NXPE2: variants seen among roughly 807,000 people sequenced by gnomAD.
NXPE2 encodes the protein NXPE family member 2.
In NXPE2, 34 loss-of-function variants were observed where a neutral mutation model predicts 34.4. The ratio of observed to expected loss-of-function variants is 0.99; its 90% CI spans 0.75 to 1.31. The LOEUF (loss-of-function observed/expected upper bound fraction) is 1.31. Ranked by LOEUF, NXPE2 falls within the 40% of genes most tolerant of loss-of-function variation. The pLI is 0.00. For synonymous variants in NXPE2, 235 were observed against 231.3 expected (o/e 1.02, Z -0.15); for missense variants, 649 against 672.5 (o/e 0.97, Z 0.39).
chr11:114,614,046 G>A, the NXPE2 span, among the ~76,000 whole-genome samples: 6 of 150,716 alleles, frequency 4.0e-5, no homozygotes, highest in East Asian at 2.0e-4. Flanking sequence ...ACTGTTACCC[G>A]GTGAATAATA....
chr11:114,485,383 CTTTTTTTTT>C, the NXPE2 span, among the ~76,000 whole-genome samples: 20 of 89,220 alleles, frequency 2.2e-4, no homozygotes, highest in East Asian at 1.1e-3. Context: ...TAATTTTTGT[CTTTTTTTTT>C]TTTTTTTTTT....
At chr11:114,663,927 A>G in the NXPE2 span, among the ~76,000 whole-genome samples, 1 of 152,178 alleles carries the variant, frequency 6.6e-6, no homozygotes, top group Non-Finnish European at 1.5e-5. Flanking sequence ...TAGAAGGTCA[A>G]CTTTGGCACA....
the NXPE2 span, chr11:114,528,729 G>C: frequency 3.6e-6 from 2 of 552,188 alleles, no homozygotes; most frequent in South Asian, 5.0e-5. Context: ...GAAAGTGGAG[G>C]AAGGAAGAAA....
chr11:114,784,443 G>A, the NXPE2 span, among the ~76,000 whole-genome samples: 5 of 152,132 alleles, frequency 3.3e-5, no homozygotes, highest in East Asian at 1.9e-4. Context: ...AGCTGTCTGC[G>A]GCAAAGATGC....
chr11:114,738,196 C>T, the NXPE2 span, among the ~76,000 whole-genome samples: 7 of 152,286 alleles, frequency 4.6e-5, no homozygotes, highest in South Asian at 8.3e-4. Flanking sequence ...AACTAGCTCA[C>T]TTTATATTGC....
At chr11:114,614,185 A>G in the NXPE2 span, among the ~76,000 whole-genome samples, 1 of 142,754 alleles carries the variant, frequency 7.0e-6, no homozygotes, top group South Asian at 2.2e-4. Context: ...AATAAGAGGG[A>G]TATTATCCAC....
the NXPE2 span, among the ~76,000 whole-genome samples, chr11:114,562,150 T>C: frequency 6.6e-6 from 1 of 152,236 alleles, no homozygotes; most frequent in African/African-American, 2.4e-5. Flanking sequence ...CAAGTGTTAG[T>C]CTCTTTCAAA....
At chr11:114,572,604 C>A in the NXPE2 span, among the ~76,000 whole-genome samples, 10 of 151,786 alleles carry the variant, frequency 6.6e-5, no homozygotes, top group African/African-American at 1.9e-4. Flanking sequence ...ATTGAACAAG[C>A]AGAAAAAAGA....
chr11:114,703,395 TG>T (rs780630220), intron 3 of NXPE2, among the ~76,000 whole-genome samples: 1 of 152,232 alleles, frequency 6.6e-6, no homozygotes, highest in Non-Finnish European at 1.5e-5. Context: ...CCATTGGCTT[TG>T]GGTTAGCCCA....
the NXPE2 span, among the ~76,000 whole-genome samples, chr11:114,717,493 G>A: frequency 1.3e-5 from 2 of 152,134 alleles, no homozygotes; most frequent in African/African-American, 4.8e-5. Flanking sequence ...CTGACATGGT[G>A]GAAAGAACAT....
chr11:114,614,394 C>A, the NXPE2 span, among the ~76,000 whole-genome samples: 1 of 151,500 alleles, frequency 6.6e-6, no homozygotes, highest in Non-Finnish European at 1.5e-5. Context: ...TAAGTGTAGC[C>A]TCTAGGGTAA....
chr11:114,685,460 A>C (rs1951029294), intron 2 of NXPE2, among the ~76,000 whole-genome samples: 1 of 152,198 alleles, frequency 6.6e-6, no homozygotes, highest in South Asian at 2.1e-4. Context: ...TGAGGGCTCC[A>C]TTCCCATGAT....
the NXPE2 span, among the ~76,000 whole-genome samples, chr11:114,806,865 G>A: frequency 2.6e-5 from 4 of 151,994 alleles, no homozygotes; most frequent in Admixed American, 6.6e-5. Context: ...TCCTTGAGAA[G>A]AGCAACTCCA....
chr11:114,567,919 ATTTTTAC>A, the NXPE2 span, among the ~76,000 whole-genome samples: 1 of 152,018 alleles, frequency 6.6e-6, no homozygotes, highest in Non-Finnish European at 1.5e-5. Context: ...TATGTCAGTC[ATTTTTAC>A]TTTTTCCCTC....
chr11:114,513,596 T>G, the NXPE2 span, among the ~76,000 whole-genome samples: 1 of 152,216 alleles, frequency 6.6e-6, no homozygotes, highest in Non-Finnish European at 1.5e-5. Context: ...TGGCCATAAT[T>G]AAAATGCTGA....
At chr11:114,610,669 A>G in the NXPE2 span, among the ~76,000 whole-genome samples, 9 of 146,010 alleles carry the variant, frequency 6.2e-5, no homozygotes, top group Admixed American at 4.7e-4. Flanking sequence ...TGGATAATAC[A>G]TGTTGCCTCG....
chr11:114,706,667 A>G lies in NXPE2; in HGVS notation c.1417A>G (p.Ile473Val), dbSNP rs1308889898. Reference sequence around the variant, plus strand: ...TAGGGCCATCAATATTCAAAAGGCCATTGAACGTCTATTCTTGCGAAGCCC... The same window carrying G: ...TAGGGCCATCAATATTCAAAAGGCCGTTGAACGTCTATTCTTGCGAAGCCC... ...IRRAINIQKA[I>V]ERLFLRSPET... Residue 473 changes from isoleucine to valine, a missense_variant, in exon 6 of 6, where the codon ATT (isoleucine) becomes GTT (valine). Transcript: ENST00000389586. The G allele has an allele frequency of 2.6e-6, 4 of 1,551,960 alleles. No individual in the cohort carries two copies. The African/African-American group carries it at 5.5e-5, about 21-fold the overall frequency.
the NXPE2 span, among the ~76,000 whole-genome samples, chr11:114,617,781 T>C: frequency 1.3e-4 from 20 of 151,382 alleles, no homozygotes; most frequent in Middle Eastern, 3.5e-3. Flanking sequence ...AGTGTTGCCT[T>C]GTGGGTAAGC....
the NXPE2 span, among the ~76,000 whole-genome samples, chr11:114,747,903 A>G: frequency 2.6e-5 from 4 of 152,360 alleles, no homozygotes; most frequent in South Asian, 8.3e-4. Context: ...AGGCTGTACA[A>G]TGGATTGCTT....
Sources: allele counts gnomAD v4.1 joint callset (sites outside exome capture counted in the v4.1 genomes callset), GRCh38; gene constraint gnomAD v4.1.1; transcripts MANE v1.5; gene names NCBI Gene and HGNC (gene_info 2026-07-23, HGNC 2026-07-21).